The following SUSD6 variants were observed in gnomAD, a reference collection of about 807,000 sequenced individuals.
The protein encoded by SUSD6 is sushi domain containing 6.
SUSD6 carries 16 observed loss-of-function variants against 28.4 expected under a neutral mutation model. That is an observed-to-expected ratio of 0.56 (90% CI 0.38 to 0.86). The LOEUF (loss-of-function observed/expected upper bound fraction) is 0.86. SUSD6 is among the 40% of genes least tolerant of loss of function. The pLI, the probability that SUSD6 is intolerant of heterozygous loss-of-function variation, is 0.00. For synonymous variants in SUSD6, 147 were observed against 159.6 expected (o/e 0.92, Z 0.59); for missense variants, 341 against 384.2 (o/e 0.89, Z 0.94).
rs141063587 is a variant in SUSD6 at position 69,699,947 on chromosome 14, A to G, written c.122-3448A>G. Among the ~76,000 whole-genome samples, 261 of 152,328 alleles carry G rather than the reference A, an allele frequency of 1.7e-3. 1 individual carries two copies. Among genetic ancestry groups the G allele is most frequent in the African/African-American group, 6.1e-3 (253 of 41,574 alleles). ...TGGTTGGACCATGTGTGCCATTTGCATAGTTGTGAAATAGCTGGCCGTCCC... is the reference window on the plus strand; with the variant it reads ...TGGTTGGACCATGTGTGCCATTTGCGTAGTTGTGAAATAGCTGGCCGTCCC... On this transcript the variant is annotated intron_variant, in intron 2 of 5. Coordinates refer to ENST00000342745, the MANE Select transcript of SUSD6 (RefSeq NM_014734.4).
At chr14:69,681,728 T>G (rs1885999970) in intron 2 of SUSD6, among the ~76,000 whole-genome samples, 1 of 152,204 alleles carries the variant, frequency 6.6e-6, no homozygotes, top group Non-Finnish European at 1.5e-5. Flanking sequence ...AAAAATTATT[T>G]CCTTGGCTCA....
At chr14:69,652,816 C>T (rs1424823049) in intron 1 of SUSD6, among the ~76,000 whole-genome samples, 1 of 152,198 alleles carries the variant, frequency 6.6e-6, no homozygotes, top group Non-Finnish European at 1.5e-5. Context: ...TCTGTGGCAA[C>T]AACAAGCAAG....
chr14:69,652,833 A>G (rs961937542), intron 1 of SUSD6, among the ~76,000 whole-genome samples: 2 of 152,174 alleles, frequency 1.3e-5, no homozygotes, highest in African/African-American at 4.8e-5. Context: ...CAAGTAAACC[A>G]TGTGAACTTT....
intron 1 of SUSD6, among the ~76,000 whole-genome samples, chr14:69,620,158 A>G (rs1384371152): frequency 6.6e-6 from 1 of 152,248 alleles, no homozygotes; most frequent in Non-Finnish European, 1.5e-5. Context: ...GCCTCCAGGT[A>G]GAAACTCTGC....
chr14:69,643,669 G>A (rs909685203), intron 1 of SUSD6, among the ~76,000 whole-genome samples: 1 of 152,222 alleles, frequency 6.6e-6, no homozygotes, highest in Admixed American at 6.5e-5. Flanking sequence ...TGTGTGGGGA[G>A]GGAAGAGAGC....
chr14:69,688,997 G>T (rs1316521650), intron 2 of SUSD6, among the ~76,000 whole-genome samples: 1 of 152,156 alleles, frequency 6.6e-6, no homozygotes, highest in Non-Finnish European at 1.5e-5. Context: ...GGAAACATTT[G>T]CTAACTTCTC....
intron 2 of SUSD6, among the ~76,000 whole-genome samples, chr14:69,702,378 G>A (rs1886324464): frequency 2.0e-5 from 3 of 152,146 alleles, no homozygotes; most frequent in Admixed American, 1.3e-4. Flanking sequence ...GTTTTGCAGT[G>A]TCAGTCCAGA....
chr14:69,661,995 G>T (rs910973742), intron 2 of SUSD6, among the ~76,000 whole-genome samples: 6 of 152,028 alleles, frequency 3.9e-5, no homozygotes, highest in African/African-American at 1.5e-4. Flanking sequence ...TGTTGCCCAG[G>T]CTGATCTCGA....
At chr14:69,684,989 T>G (rs941402813) in intron 2 of SUSD6, among the ~76,000 whole-genome samples, 7 of 152,248 alleles carry the variant, frequency 4.6e-5, no homozygotes, top group African/African-American at 1.7e-4. Context: ...TTGTTAGGGC[T>G]GAGTAGCAGG....
chr14:69,628,359 G>A (rs190087417), intron 1 of SUSD6, among the ~76,000 whole-genome samples: 83 of 152,336 alleles, frequency 5.4e-4, no homozygotes, highest in Non-Finnish European at 9.7e-4. Context: ...GGTTGCTGAT[G>A]GGGCTATGTT....
chr14:69,689,433 T>G (rs1406403406), intron 2 of SUSD6, among the ~76,000 whole-genome samples: 5 of 152,200 alleles, frequency 3.3e-5, no homozygotes, highest in Non-Finnish European at 4.4e-5. Flanking sequence ...TTACATGGAT[T>G]CTGGAAGAGA....
intron 5 of SUSD6, among the ~76,000 whole-genome samples, chr14:69,710,232 C>T (rs1886443676): frequency 6.6e-6 from 1 of 152,230 alleles, no homozygotes; most frequent in African/African-American, 2.4e-5. Flanking sequence ...TCCTCCTCTT[C>T]CATGCTACCT....
intron 1 of SUSD6, among the ~76,000 whole-genome samples, chr14:69,628,976 G>T (rs1263127763): frequency 1.3e-5 from 2 of 152,000 alleles, no homozygotes; most frequent in Non-Finnish European, 2.9e-5. Flanking sequence ...CAAAGTGCTG[G>T]GATTACAAGC....
chr14:69,669,687 C>A (rs754204783), intron 2 of SUSD6, among the ~76,000 whole-genome samples: 2 of 148,072 alleles, frequency 1.4e-5, no homozygotes, highest in Non-Finnish European at 3.0e-5. Context: ...CTACCTCCTG[C>A]CTTTTCCTCC....
chr14:69,688,778 G>C (rs985215853), intron 2 of SUSD6, among the ~76,000 whole-genome samples: 1 of 152,184 alleles, frequency 6.6e-6, no homozygotes, highest in Non-Finnish European at 1.5e-5. Flanking sequence ...TATATGGGCA[G>C]CTTCTTCAGT....
chr14:69,664,068 T>C (rs371788298), intron 2 of SUSD6, among the ~76,000 whole-genome samples: 7 of 151,806 alleles, frequency 4.6e-5, no homozygotes, highest in African/African-American at 1.7e-4. Flanking sequence ...AAGCTCCACC[T>C]TCCAGGTTCA....
chr14:69,674,298 T>C (rs1345783046), intron 2 of SUSD6, among the ~76,000 whole-genome samples: 1 of 152,276 alleles, frequency 6.6e-6, no homozygotes, highest in East Asian at 1.9e-4. Context: ...ATGGTAGGCC[T>C]GTGTGCATGC....
In SUSD6 at chr14:69,668,999, TA is replaced by T. The variant is rs539737548; in HGVS notation, c.121+10297del. Among the ~76,000 whole-genome samples, 1,071 of 145,644 alleles carry T rather than the reference TA, an allele frequency of 7.4e-3. 14 individuals are homozygous for T. The highest frequency in any genetic ancestry group is 0.024 in the African/African-American group (972 of 39,886). On this transcript the variant is annotated intron_variant, in intron 2 of 5. Transcript: ENST00000342745. ...ACAGCTTGCAGAACCGTGAGCCAGT[TA>T]AAAAAAAAAATCTCTTTTTTAATGA...
At chr14:69,641,824 C>T (rs1273001386) in intron 1 of SUSD6, among the ~76,000 whole-genome samples, 1 of 151,564 alleles carries the variant, frequency 6.6e-6, no homozygotes, top group Non-Finnish European at 1.5e-5. Context: ...AGGCTGGTCT[C>T]GAACTCCTGG....
Sources: gnomAD v4.1 joint callset for allele counts (sites outside exome capture counted in the v4.1 genomes callset) on GRCh38, gnomAD v4.1.1 for gene constraint, MANE v1.5 for transcripts, NCBI Gene and HGNC (gene_info 2026-07-23, HGNC 2026-07-21) for gene names.